BMPER: variants seen among roughly 807,000 people sequenced by gnomAD.
BMPER encodes BMP-binding endothelial regulator protein.
Under a neutral mutation model 87.3 loss-of-function variants are expected in BMPER, and 45 were observed. That is an observed-to-expected ratio of 0.52 (90% CI 0.41 to 0.66). BMPER has a LOEUF of 0.66. Among genes scored for constraint, BMPER ranks in the 30% least tolerant of loss-of-function variants. The probability of loss-of-function intolerance (pLI) is 0.00; values close to 1 mark genes in which losing one functional copy is unlikely to be tolerated. For missense variants in BMPER, 784 were observed against 867.5 expected (o/e 0.90, Z 1.21); for synonymous variants, 326 against 316.2 (o/e 1.03, Z -0.33).
intron 3 of BMPER, among the ~76,000 whole-genome samples, chr7:33,944,219 G>A (rs542390425): frequency 3.9e-5 from 6 of 152,202 alleles, no homozygotes; most frequent in African/African-American, 1.4e-4. Context: ...AGGCTGGAGT[G>A]CAGTAGTGTG....
At chr7:33,921,865 C>A (rs772129122) in intron 2 of BMPER, 2 of 470,728 alleles carry the variant, frequency 4.2e-6, no homozygotes, top group Non-Finnish European at 8.8e-6. Flanking sequence ...AGGAACCAGA[C>A]GCAAACAACG....
rs186877479 is a variant in BMPER at position 34,056,845 on chromosome 7, C to T, written c.928-1214C>T. Among the ~76,000 whole-genome samples, 5 of 152,242 alleles carry T rather than the reference C, an allele frequency of 3.3e-5. No individual in the cohort carries two copies. The East Asian group carries it at 9.7e-4, about 30-fold the overall frequency. On this transcript the variant is annotated intron_variant, in intron 9 of 14. Coordinates refer to ENST00000649409, the MANE Select transcript of BMPER (RefSeq NM_001365308.1). ...GTTGGTCAGGCTGATCTCGAACTCC[C>T]GACCTTGTCGTCCACCCTCCGTGGC...
At chr7:34,096,997 G>A (rs1026269525) in intron 13 of BMPER, among the ~76,000 whole-genome samples, 1 of 152,224 alleles carries the variant, frequency 6.6e-6, no homozygotes, top group South Asian at 2.1e-4. Flanking sequence ...AGCTCACAGA[G>A]CTTGCAGGGC....
chr7:34,125,370 C>T (rs1394792901), intron 13 of BMPER, among the ~76,000 whole-genome samples: 1 of 152,166 alleles, frequency 6.6e-6, no homozygotes, highest in Non-Finnish European at 1.5e-5. Context: ...AATATGCCCT[C>T]CCCATTTCCA....
chr7:33,982,451 G>A (rs1785890355), intron 6 of BMPER, among the ~76,000 whole-genome samples: 1 of 151,454 alleles, frequency 6.6e-6, no homozygotes. Flanking sequence ...TTGCTGCAGT[G>A]TTCCATTCTG....
chr7:34,014,654 A>G (rs910621559), intron 6 of BMPER, among the ~76,000 whole-genome samples: 1 of 151,950 alleles, frequency 6.6e-6, no homozygotes, highest in African/African-American at 2.4e-5. Context: ...AAACATCTAT[A>G]GTATAAGAGT....
At chr7:34,014,338 T>C (rs924617952) in intron 6 of BMPER, among the ~76,000 whole-genome samples, 6 of 152,014 alleles carry the variant, frequency 3.9e-5, no homozygotes, top group South Asian at 2.1e-4. Context: ...TGGAGCAGCA[T>C]AGAGAAGAGA....
intron 13 of BMPER, among the ~76,000 whole-genome samples, chr7:34,141,379 G>T (rs1440416425): frequency 1.3e-5 from 2 of 152,048 alleles, no homozygotes; most frequent in Non-Finnish European, 2.9e-5. Flanking sequence ...GGAGGCCGAG[G>T]TGGGTGGATC....
Position 34,050,389 on chromosome 7 carries a change from C to A in BMPER, c.677-1472C>A, listed in dbSNP as rs114857591. Among the ~76,000 whole-genome samples the A allele has an allele frequency of 2.0e-3, 299 of 152,040 alleles. 2 individuals are homozygous for A. The highest frequency in any genetic ancestry group is 6.8e-3 in the African/African-American group (282 of 41,478). On this transcript the variant is annotated intron_variant, in intron 7 of 14. Transcript: ENST00000649409. ...GATCCAAATTATAACTCACTTCCAC[C>A]TTTTGAGGGCCAACAAGTTTGCTCT...
At chr7:33,951,076 C>A (rs1189614480) in intron 3 of BMPER, among the ~76,000 whole-genome samples, 1 of 149,072 alleles carries the variant, frequency 6.7e-6, no homozygotes, top group Non-Finnish European at 1.5e-5. Flanking sequence ...CAGATGGATT[C>A]TCTCTCTGGT....
chr7:34,147,008 C>T (rs889446586), intron 14 of BMPER, among the ~76,000 whole-genome samples: 2 of 152,172 alleles, frequency 1.3e-5, no homozygotes, highest in African/African-American at 4.8e-5. Context: ...ATGTCTGCCA[C>T]CTGCCTATAA....
intron 12 of BMPER, among the ~76,000 whole-genome samples, chr7:34,083,527 T>A (rs1789110552): frequency 6.6e-6 from 1 of 152,204 alleles, no homozygotes; most frequent in South Asian, 2.1e-4. Flanking sequence ...TCCTTATGGG[T>A]CTTTCCATTT....
intron 11 of BMPER, among the ~76,000 whole-genome samples, chr7:34,063,997 A>G (rs977357980): frequency 6.6e-6 from 1 of 152,238 alleles, no homozygotes; most frequent in African/African-American, 2.4e-5. Context: ...TCATAAAAAC[A>G]TATGACCAGC....
intron 6 of BMPER, among the ~76,000 whole-genome samples, chr7:34,023,225 T>A (rs898997847): frequency 6.6e-6 from 1 of 152,064 alleles, no homozygotes; most frequent in African/African-American, 2.4e-5. Context: ...TGTCACAGTG[T>A]GTCCTCTAAG....
At chr7:34,065,184 C>A (rs1788543529) in intron 11 of BMPER, among the ~76,000 whole-genome samples, 1 of 149,400 alleles carries the variant, frequency 6.7e-6, no homozygotes, top group South Asian at 2.1e-4. Flanking sequence ...CTCTCGGACA[C>A]ACACACACAT....
rs149323598 is a variant in BMPER, at chr7:33,938,446, G to C, written c.319+1058G>C. Among the ~76,000 whole-genome samples, 1,118 of 152,294 alleles carry C rather than the reference G, an allele frequency of 7.3e-3. 2 individuals carry two copies. The highest frequency in any genetic ancestry group is 0.01 in the Non-Finnish European group (689 of 68,028). On this transcript the variant is annotated intron_variant, in intron 3 of 14. Transcript: ENST00000649409. ...GTCTTTATAAGAAGAGGAAGAGACA[G>C]AGACAGACAGAGACACACAAAGAGT... is the stretch of plus-strand genomic sequence containing the variant.
intron 3 of BMPER, among the ~76,000 whole-genome samples, chr7:33,938,916 T>C (rs1354904934): frequency 6.6e-6 from 1 of 151,934 alleles, no homozygotes; most frequent in Non-Finnish European, 1.5e-5. Flanking sequence ...TTCCCAGTAC[T>C]GGGGAGGCTG....
rs1785496114 is a variant in BMPER, at chr7:33,969,922, A to G, written c.403-407A>G. On this transcript the variant is annotated intron_variant, in intron 4 of 14. Transcript: ENST00000649409. ...GGTGCTAGTCTGGGTTAAGATGCTT[A>G]TATGCTGTGCCTCACCATTAATGGC... is the stretch of plus-strand genomic sequence containing the variant. Among the ~76,000 whole-genome samples, 3 of 152,172 alleles carry G rather than the reference A, an allele frequency of 2.0e-5. No individual in the cohort carries two copies. In the South Asian group the frequency reaches 6.2e-4, roughly 32 times the overall value.
intron 6 of BMPER, among the ~76,000 whole-genome samples, chr7:34,024,563 A>G (rs926129188): frequency 6.7e-6 from 1 of 149,670 alleles, no homozygotes; most frequent in Non-Finnish European, 1.5e-5. Flanking sequence ...ACCAATTCCA[A>G]TGCTTTTAGC....
Sources: gnomAD v4.1 joint callset for allele counts (sites outside exome capture counted in the v4.1 genomes callset) on GRCh38, gnomAD v4.1.1 for gene constraint, MANE v1.5 for transcripts, NCBI Gene and HGNC (gene_info 2026-07-23, HGNC 2026-07-21) for gene names.